Variants in TLN2 observed in about 807,000 individuals in gnomAD.
TLN2 encodes the protein talin 2.
In TLN2, 118 loss-of-function variants were observed where a neutral mutation model predicts 294.7. The ratio of observed to expected loss-of-function variants is 0.40; its 90% confidence interval spans 0.34 to 0.47. TLN2 has a LOEUF of 0.47. Among genes scored for constraint, TLN2 ranks in the 20% least tolerant of loss-of-function variants. TLN2 has a pLI of 0.84. For synonymous variants in TLN2, 1,431 were observed against 1,304.5 expected, an observed-to-expected ratio of 1.10 and a Z score of -2.09; for missense variants, 3,083 against 3,282.2, an observed-to-expected ratio of 0.94 and a Z score of 1.48.
intron 1 of TLN2, among the ~76,000 whole-genome samples, chr15:62,516,186 T>C (rs867636739): frequency 6.6e-6 from 1 of 152,362 alleles, no homozygotes; most frequent in Middle Eastern, 3.4e-3. Flanking sequence ...GCAGCTTATA[T>C]GAAATTATTA....
chr15:62,722,444 A>G lies in TLN2; in HGVS notation c.3083A>G (p.Asn1028Ser). 1.9e-6 allele frequency: 3 copies of G among 1,612,762 alleles called. No individual in the cohort carries two copies. Among genetic ancestry groups the G allele is most frequent in the Non-Finnish European group, 2.5e-6 (3 of 1,179,554 alleles). ...AAMQLSQCAK[N>S]LATSLAELRT... ...ATGCAGCTGAGCCAGTGTGCCAAGA[A>G]CCTGGCCACCAGCTTGGCGGAGCTG... Residue 1028 changes from asparagine to serine, a missense_variant, in exon 26 of 59, where the codon AAC becomes AGC. Physicochemically the swap from Asn to Ser is conservative, Grantham distance 46. Transcript: ENST00000636159.
Position 62,624,535 on chromosome 15 carries a change from G to C in TLN2, c.-37+6060G>C, listed in dbSNP as rs190386307. Among the ~76,000 whole-genome samples the C allele has an allele frequency of 8.5e-4, 129 of 152,300 alleles. 1 individual carries two copies. In the South Asian group the frequency reaches 0.011, roughly 13 times the overall value. The stretch of plus-strand genomic sequence containing the variant: ...CATCATTCATTGTTGACATTGAAAG[G>C]CATAAGATTTTCTCTTTTAGGTGCA... On this transcript the variant is annotated intron_variant, in intron 3 of 58. Transcript: ENST00000636159.
chr15:62,468,277 A>C (rs912921543), intron 1 of TLN2, among the ~76,000 whole-genome samples: 1 of 152,176 alleles, frequency 6.6e-6, no homozygotes, highest in African/African-American at 2.4e-5. Context: ...TGCTGATTTA[A>C]ACTTCTTTGA....
intron 2 of TLN2, among the ~76,000 whole-genome samples, chr15:62,596,530 GA>G (rs1233755016): frequency 1.3e-5 from 2 of 152,030 alleles, no homozygotes; most frequent in Non-Finnish European, 2.9e-5. Context: ...CTGAGGTCAG[GA>G]GTTCGAGACC....
chr15:62,506,408 G>C (rs2039624786), intron 1 of TLN2, among the ~76,000 whole-genome samples: 1 of 152,212 alleles, frequency 6.6e-6, no homozygotes, highest in Admixed American at 6.5e-5. Context: ...TATTTATTGA[G>C]CAAATGCATA....
intron 1 of TLN2, among the ~76,000 whole-genome samples, chr15:62,555,511 A>T (rs4774439): frequency 1.3e-5 from 2 of 152,328 alleles, no homozygotes; most frequent in Admixed American, 1.3e-4. Flanking sequence ...AACTTTGTTT[A>T]TGAAATATAG....
At chr15:62,778,563 A>G (rs534675278) in intron 43 of TLN2, among the ~76,000 whole-genome samples, 2 of 152,368 alleles carry the variant, frequency 1.3e-5, no homozygotes, top group East Asian at 3.9e-4. Flanking sequence ...GTCAGATCCA[A>G]AGTCTTTCTT....
intron 25 of TLN2, among the ~76,000 whole-genome samples, chr15:62,720,824 G>A (rs1417167631): frequency 6.6e-6 from 1 of 152,078 alleles, no homozygotes; most frequent in Non-Finnish European, 1.5e-5. Context: ...GGACGTACAG[G>A]TTTTTAATTT....
At chr15:62,736,225 C>T (rs1001082414) in intron 28 of TLN2, among the ~76,000 whole-genome samples, 2 of 150,766 alleles carry the variant, frequency 1.3e-5, no homozygotes, top group African/African-American at 4.9e-5. Flanking sequence ...GAGGCTGAGG[C>T]AGGAGAATGG....
chr15:62,675,615 TCTC>T (rs1163460453), intron 11 of TLN2, among the ~76,000 whole-genome samples: 1 of 152,162 alleles, frequency 6.6e-6, no homozygotes, highest in African/African-American at 2.4e-5. Context: ...TGTTATTCCT[TCTC>T]CTGACAATGT....
At chr15:62,454,873 C>T (rs1389199032) in intron 1 of TLN2, among the ~76,000 whole-genome samples, 1 of 152,124 alleles carries the variant, frequency 6.6e-6, no homozygotes, top group Non-Finnish European at 1.5e-5. Context: ...ACCCTCCCTT[C>T]TGCTGACCCT....
intron 53 of TLN2, 95 bp downstream of exon 53, chr15:62,819,716 C>T: frequency 9.4e-7 from 1 of 1,068,456 alleles, no homozygotes; most frequent in Non-Finnish European, 1.4e-6. Flanking sequence ...CGGCAATGGC[C>T]TTTAGCTGGC....
In TLN2 at chr15:62,796,220, C is replaced by T. The variant is rs1469730276; in HGVS notation, c.5977C>T (p.Leu1993=). The part of the protein sequence containing the change: ...ATAVSGIIAD[L]DTTIMFATAG... The stretch of plus-strand genomic sequence containing the variant: ...CGCTGTGTCTGGGATCATTGCCGAC[C>T]TGGACACCACCATTATGTTTGCAAC... Residue 1993 remains leucine, a synonymous_variant, in exon 47 of 59, where the codon CTG becomes TTG. Transcript: ENST00000636159. 2.5e-6 allele frequency: 4 copies of T among 1,614,116 alleles called. No homozygotes were observed. Among genetic ancestry groups the T allele is most frequent in the African/African-American group, 1.3e-5 (1 of 74,942 alleles).
At chr15:62,512,847 C>G (rs969225958) in intron 1 of TLN2, among the ~76,000 whole-genome samples, 19 of 152,180 alleles carry the variant, frequency 1.2e-4, no homozygotes, top group Non-Finnish European at 1.6e-4. Flanking sequence ...TTCAAGACTT[C>G]CCTCTCCTGT....
At chr15:62,734,319 G>C (rs1425557943) in intron 28 of TLN2, among the ~76,000 whole-genome samples, 3 of 152,166 alleles carry the variant, frequency 2.0e-5, no homozygotes, top group Non-Finnish European at 1.5e-5. Context: ...CAAATGGGAA[G>C]ACAAGAGGAG....
chr15:62,399,264 A>AC (rs2032825128), intron 1 of TLN2, among the ~76,000 whole-genome samples: 1 of 147,026 alleles, frequency 6.8e-6, no homozygotes, highest in South Asian at 2.1e-4. Context: ...AACAAAAAAA[A>AC]AAAAAAAAAA....
Position 62,708,709 on chromosome 15 carries a change from C to T in TLN2, c.2380C>T (p.Arg794Ter), listed in dbSNP as rs970513400. The T allele has an allele frequency of 4.3e-6, 7 of 1,613,420 alleles. No individual in the cohort carries two copies. Among genetic ancestry groups the T allele is most frequent in the African/African-American group, 1.3e-5 (1 of 74,918 alleles). The change falls in exon 21 of 59, where the codon CGA becomes TGA. Residue 794 changes from arginine to a stop codon, truncating the protein, a stop_gained. Transcript: ENST00000636159. LOFTEE classifies it high-confidence loss of function. ...LLQHVRQFAS[R>*]GEPIGRYDQA... ...GCAGCATGTGCGGCAGTTTGCCAGC[C>T]GAGGCGAGCCCATCGGCCGCTACGA...
chr15:62,747,467 C>A (rs2061679881), intron 32 of TLN2, among the ~76,000 whole-genome samples: 1 of 152,114 alleles, frequency 6.6e-6, no homozygotes, highest in South Asian at 2.1e-4. Context: ...AAATCATAGG[C>A]ACAGTTCACT....
rs887655156 is a variant in TLN2 at position 62,723,673 on chromosome 15, G to T, written c.3126+1186G>T. On this transcript the variant is annotated intron_variant, in intron 26 of 58. Coordinates refer to ENST00000636159, the MANE Select transcript of TLN2 (RefSeq NM_015059.3). ...GTCTCCCACCTCAGCCACTTGAGTA[G>T]CTGGACCACTGTCATGTGCCACCAC... 2.8e-4 allele frequency among the ~76,000 whole-genome samples: 42 copies of T among 150,054 alleles called. 2 individuals are homozygous for T. Among genetic ancestry groups the T allele is most frequent in the Admixed American group, 2.7e-3 (40 of 14,890 alleles).
Sources: allele counts gnomAD v4.1 joint callset (sites outside exome capture counted in the v4.1 genomes callset), GRCh38; gene constraint gnomAD v4.1.1; transcripts MANE v1.5; gene names NCBI Gene and HGNC (gene_info 2026-07-23, HGNC 2026-07-21).